Variants in POLK observed in about 807,000 individuals in gnomAD.
The protein encoded by POLK is DNA polymerase kappa.
POLK carries 76 observed loss-of-function variants against 94.0 expected under a neutral mutation model. That is an observed-to-expected ratio of 0.81 (90% CI 0.67 to 0.98). The LOEUF (loss-of-function observed/expected upper bound fraction) is 0.98. POLK is among the 50% of genes least tolerant of loss of function. POLK has a pLI of 0.00. For synonymous variants in POLK, 349 were observed against 325.4 expected, an observed-to-expected ratio of 1.07 and a Z score of -0.78; for missense variants, 954 against 1,010.1, an observed-to-expected ratio of 0.94 and a Z score of 0.75.
chr5:75,602,374 G>C (rs538016426), downstream of POLK, among the ~76,000 whole-genome samples: 1 of 152,226 alleles, frequency 6.6e-6, no homozygotes, highest in African/African-American at 2.4e-5. Flanking sequence ...CAAGGCCTCA[G>C]GCATACTAGA....
chr5:75,534,311 T>C (rs912447551), intron 1 of POLK, among the ~76,000 whole-genome samples: 2 of 151,800 alleles, frequency 1.3e-5, no homozygotes, highest in African/African-American at 2.4e-5. Context: ...TGAGGTTTTC[T>C]AGGTACAGAA....
intron 1 of POLK, among the ~76,000 whole-genome samples, chr5:75,528,281 A>G (rs149347559): frequency 4.9e-4 from 74 of 152,332 alleles, no homozygotes; most frequent in African/African-American, 1.6e-3. Flanking sequence ...TAAGAGGGGA[A>G]GAAAAGGTTA....
At chr5:75,528,164 T>C (rs1439053021) in intron 1 of POLK, among the ~76,000 whole-genome samples, 2 of 152,132 alleles carry the variant, frequency 1.3e-5, no homozygotes, top group Non-Finnish European at 2.9e-5. Context: ...ATCTACTATG[T>C]CTAAAATATA....
At chr5:75,581,138 T>C (rs1772171808) in intron 6 of POLK, 71 bp from the exon 7 acceptor site, 1 of 1,079,658 alleles carries the variant, frequency 9.3e-7, no homozygotes, top group Admixed American at 2.3e-5. Context: ...AGAAATAATG[T>C]AGGGAAACCT....
intron 5 of POLK, 54 bp from the exon 6 acceptor site, chr5:75,576,726 A>C: frequency 1.1e-6 from 1 of 922,018 alleles, no homozygotes. Flanking sequence ...TACATATGAC[A>C]GAAGAAGTTT....
chr5:75,579,544 G>A (rs1772091891), intron 6 of POLK, among the ~76,000 whole-genome samples: 1 of 151,310 alleles, frequency 6.6e-6, no homozygotes, highest in Non-Finnish European at 1.5e-5. Context: ...TTTTAGTAGA[G>A]ATGGGGTTTC....
At chr5:75,542,310 G>A (rs145246891) in intron 1 of POLK, among the ~76,000 whole-genome samples, 96 of 151,592 alleles carry the variant, frequency 6.3e-4, no homozygotes, top group African/African-American at 2.1e-3. Flanking sequence ...CTCTCTTCCC[G>A]CCACCTCTCT....
In POLK at chr5:75,549,408, A is replaced by G. The variant is rs562132872; in HGVS notation, c.135+2251A>G. On this transcript the variant is annotated intron_variant, in intron 2 of 14. Coordinates refer to ENST00000241436, the Ensembl canonical transcript of POLK. ...ACATGTTTTTTTATTATCATACTTT[A>G]TAATAAGCCTTGATATCTGCTAGCA... Among the ~76,000 whole-genome samples, 143 of 152,086 alleles carry G rather than the reference A, an allele frequency of 9.4e-4. 1 individual carries two copies. Among genetic ancestry groups the G allele is most frequent in the African/African-American group, 3.3e-3 (135 of 41,514 alleles).
intron 5 of POLK, among the ~76,000 whole-genome samples, chr5:75,576,418 A>G (rs185151457): frequency 7.9e-5 from 12 of 152,298 alleles, no homozygotes; most frequent in Admixed American, 6.5e-4. Flanking sequence ...TATCATTCCC[A>G]CTTCAGCTTC....
chr5:75,578,316 C>T (rs1772014713), intron 6 of POLK, among the ~76,000 whole-genome samples: 1 of 152,076 alleles, frequency 6.6e-6, no homozygotes. Context: ...CCACCACACC[C>T]GACTAATTTT....
chr5:75,532,825 T>C (rs2112577921), intron 1 of POLK, among the ~76,000 whole-genome samples: 1 of 152,350 alleles, frequency 6.6e-6, no homozygotes, highest in Non-Finnish European at 1.5e-5. Flanking sequence ...TTTGCAGTTC[T>C]CTAATGATAA....
Position 75,584,945 on chromosome 5 carries a change from A to G in POLK, c.1226+19A>G. The G allele has an allele frequency of 6.6e-7, 1 of 1,520,608 alleles. No individual in the cohort carries two copies. The highest frequency in any genetic ancestry group is 9.0e-7 in the Non-Finnish European group (1 of 1,111,654). 94.2% of individuals were successfully genotyped at this position (1,520,608 alleles called of 1,614,324 possible). Reference sequence around the variant, plus strand: ...TGACGAGGTATCTATATGTATTGTCATTCTGCTTTTTCTTCAGCATTTGCT... The same window carrying G: ...TGACGAGGTATCTATATGTATTGTCGTTCTGCTTTTTCTTCAGCATTTGCT... On this transcript the variant is annotated intron_variant, in intron 9 of 14. Coordinates refer to ENST00000241436, the Ensembl canonical transcript of POLK.
exon 15 of POLK, chr5:75,598,173 C>CTGAT: frequency 2.5e-6 from 1 of 401,408 alleles, no homozygotes. Context: ...GATACATATA[C>CTGAT]TGATTCTGTG....
chr5:75,511,270 C>CTT, upstream of POLK: 1 of 1,591,168 alleles, frequency 6.3e-7, no homozygotes, highest in Non-Finnish European at 8.6e-7. Flanking sequence ...GAGGAGGCGC[C>CTT]CAGTCCTCGG....
intron 1 of POLK, among the ~76,000 whole-genome samples, chr5:75,523,411 C>T (rs1768681418): frequency 6.6e-6 from 1 of 152,074 alleles, no homozygotes; most frequent in East Asian, 1.9e-4. Context: ...TTATCAAGGA[C>T]CAAAGTAAAG....
intron 10 of POLK, among the ~76,000 whole-genome samples, chr5:75,589,368 A>G (rs1267535451): frequency 7.8e-6 from 1 of 128,080 alleles, no homozygotes; most frequent in East Asian, 2.3e-4. Flanking sequence ...TTGTTTGCTT[A>G]TTTTATATAT....
chr5:75,600,543 G>A (rs571466093), exon 15 of POLK: 6 of 152,074 alleles, frequency 3.9e-5, no homozygotes, highest in Non-Finnish European at 8.8e-5. Context: ...TGTATCCTAG[G>A]AAGCATGTAC....
upstream of POLK, chr5:75,511,399 G>A (rs1211952160): frequency 4.5e-6 from 7 of 1,545,884 alleles, no homozygotes; most frequent in Non-Finnish European, 6.1e-6. Flanking sequence ...GCGGAGCGAG[G>A]AAGGAGGACG....
chr5:75,511,858 T>G (rs1369172585), exon 1 of POLK: 1 of 1,535,338 alleles, frequency 6.5e-7, no homozygotes, highest in Admixed American at 2.0e-5. Context: ...GGGAAGGGCG[T>G]TGGTCCGTCG....
Sources: allele counts gnomAD v4.1 joint callset (sites outside exome capture counted in the v4.1 genomes callset), GRCh38; gene constraint gnomAD v4.1.1; transcripts MANE v1.5; gene names NCBI Gene and HGNC (gene_info 2026-07-23, HGNC 2026-07-21).